The following PTPRD variants were observed in gnomAD, a reference collection of about 807,000 sequenced individuals.
The protein encoded by PTPRD is protein tyrosine phosphatase receptor type D.
PTPRD carries 34 observed loss-of-function variants against 214.5 expected under a neutral mutation model. That is an observed-to-expected ratio of 0.16 (90% confidence interval 0.12 to 0.21). PTPRD has a LOEUF of 0.21. Among genes scored for constraint, PTPRD ranks in the 10% least tolerant of loss-of-function variants. The pLI, the probability that PTPRD is intolerant of heterozygous loss-of-function variation, is 1.00. For missense variants in PTPRD, 2,545 were observed against 2,398.7 expected, an observed-to-expected ratio of 1.06 and a Z score of -1.27; for synonymous variants, 1,128 against 845.7, an observed-to-expected ratio of 1.33 and a Z score of -5.79.
intron 14 of PTPRD, among the ~76,000 whole-genome samples, chr9:8,582,811 G>A (rs770989940): frequency 6.6e-6 from 1 of 152,144 alleles, no homozygotes; most frequent in African/African-American, 2.4e-5. Flanking sequence ...AATCACTGGA[G>A]ACAAATGGTG....
chr9:9,580,556 T>C (rs1390717374), intron 7 of PTPRD, among the ~76,000 whole-genome samples: 3 of 146,196 alleles, frequency 2.1e-5, no homozygotes, highest in Non-Finnish European at 4.5e-5. Context: ...TCTTTTTTTT[T>C]TTTTTTTTTT....
At chr9:9,753,682 T>C (rs931821343) in intron 6 of PTPRD, among the ~76,000 whole-genome samples, 1 of 151,958 alleles carries the variant, frequency 6.6e-6, no homozygotes, top group Non-Finnish European at 1.5e-5. Context: ...CTGGAGGTTA[T>C]CAAAGCCTCA....
chr9:10,226,472 A>G (rs1187085715), intron 3 of PTPRD, among the ~76,000 whole-genome samples: 1 of 152,038 alleles, frequency 6.6e-6, no homozygotes, highest in Non-Finnish European at 1.5e-5. Context: ...ACTCTCCTAG[A>G]TCCAGAGACA....
Position 10,259,156 on chromosome 9 carries a change from G to A in PTPRD, c.-545+81807C>T, listed in dbSNP as rs570703555. Among the ~76,000 whole-genome samples, 343 of 152,092 alleles carry A rather than the reference G, an allele frequency of 2.3e-3. 2 individuals are homozygous for A. Among genetic ancestry groups the A allele is most frequent in the African/African-American group, 7.9e-3 (328 of 41,470 alleles). ...TTCTGCCTCAGCCTCCGGAGTAGCT[G>A]GGAATACAGGTGCCTGCCACCACGC... On this transcript the variant is annotated intron_variant, in intron 3 of 45. Coordinates refer to ENST00000381196, the MANE Select transcript of PTPRD (RefSeq NM_002839.4).
intron 7 of PTPRD, among the ~76,000 whole-genome samples, chr9:9,712,140 A>G (rs1407206626): frequency 1.3e-5 from 2 of 152,172 alleles, no homozygotes; most frequent in Admixed American, 6.5e-5. Flanking sequence ...CAAATATAAA[A>G]TTATAACAAT....
intron 43 of PTPRD, among the ~76,000 whole-genome samples, chr9:8,338,020 A>T (rs1848661053): frequency 6.6e-6 from 1 of 151,994 alleles, no homozygotes; most frequent in Non-Finnish European, 1.5e-5. Context: ...CTGCTAACCA[A>T]TTTCTCTTTC....
intron 35 of PTPRD, among the ~76,000 whole-genome samples, chr9:8,424,366 C>T (rs1325920719): frequency 2.0e-5 from 3 of 152,120 alleles, no homozygotes; most frequent in Non-Finnish European, 4.4e-5. Context: ...CTAGCTTTGC[C>T]ATTTACTAGC....
chr9:9,845,619 C>T (rs1184664364), intron 5 of PTPRD, among the ~76,000 whole-genome samples: 2 of 151,874 alleles, frequency 1.3e-5, no homozygotes. Flanking sequence ...AAAATCATGT[C>T]CTATTCTCTA....
chr9:9,968,757 C>G (rs749261356), intron 4 of PTPRD, among the ~76,000 whole-genome samples: 10 of 152,030 alleles, frequency 6.6e-5, no homozygotes, highest in Non-Finnish European at 1.5e-4. Flanking sequence ...ACCAAACAAA[C>G]AAAAAATTAG....
At chr9:10,394,777 G>A (rs140018578) in intron 2 of PTPRD, among the ~76,000 whole-genome samples, 3 of 53,438 alleles carry the variant, frequency 5.6e-5, no homozygotes, top group African/African-American at 2.8e-4. Flanking sequence ...TTTGATTTTT[G>A]TTAAATAGAA....
At chr9:8,331,895 G>C (rs981020849) in intron 43 of PTPRD, among the ~76,000 whole-genome samples, 159 bp from the exon 44 acceptor site, 2 of 150,792 alleles carry the variant, frequency 1.3e-5, no homozygotes, top group Non-Finnish European at 2.9e-5. Flanking sequence ...TGGTTTATCT[G>C]CTATAAATAT....
At chr9:9,138,847 T>G (rs4742564) in intron 10 of PTPRD, among the ~76,000 whole-genome samples, 95,968 of 151,866 alleles carry the variant, frequency 0.63, 30,300 homozygotes, top group Middle Eastern at 0.7. Context: ...CTTTTATGTT[T>G]AATATAATGC....
In PTPRD at chr9:8,336,483, T is replaced by TAAAAAAAAA. The variant is rs200451219; in HGVS notation, c.5379+2438_5379+2439insTTTTTTTTT. Among the ~76,000 whole-genome samples the TAAAAAAAAA allele has an allele frequency of 7.5e-3, 1,055 of 140,984 alleles. 7 individuals carry two copies. Among genetic ancestry groups the TAAAAAAAAA allele is most frequent in the Non-Finnish European group, 0.012 (749 of 64,684 alleles). The allele number at this position is 140,984 out of a possible 152,430, so 92.5% of individuals were successfully genotyped here. A position where few individuals can be genotyped will look rare whatever the true frequency, so the allele number is the denominator to read the frequency against. ...GACTTAAACCTAAGATGTAAAATGA[T>TAAAAAAAAA]GAAAACCCCTAGAAGAAAACCTAGG... On this transcript the variant is annotated intron_variant, in intron 43 of 45. Transcript: ENST00000381196.
chr9:8,724,671 T>C (rs1484465757), intron 12 of PTPRD, among the ~76,000 whole-genome samples: 2 of 152,150 alleles, frequency 1.3e-5, no homozygotes, highest in African/African-American at 4.8e-5. Context: ...ATTTTTATCA[T>C]GTCTGTAATC....
intron 14 of PTPRD, among the ~76,000 whole-genome samples, chr9:8,616,032 A>G (rs2095600521): frequency 6.6e-6 from 1 of 152,182 alleles, no homozygotes; most frequent in Non-Finnish European, 1.5e-5. Context: ...AAATTTAAAA[A>G]GAAATTTATG....
intron 7 of PTPRD, among the ~76,000 whole-genome samples, chr9:9,693,207 T>C (rs1412533606): frequency 6.6e-6 from 1 of 152,076 alleles, no homozygotes; most frequent in Non-Finnish European, 1.5e-5. Context: ...AGATCTGGTA[T>C]GGTTTAGCTT....
chr9:10,223,767 G>A (rs1358893803), intron 3 of PTPRD, among the ~76,000 whole-genome samples: 1 of 149,506 alleles, frequency 6.7e-6, no homozygotes, highest in Non-Finnish European at 1.5e-5. Context: ...AAAACCTCTG[G>A]GTAACAGAAG....
At chr9:8,730,157 G>A (rs766888255) in intron 12 of PTPRD, among the ~76,000 whole-genome samples, 6 of 152,172 alleles carry the variant, frequency 3.9e-5, no homozygotes, top group Non-Finnish European at 7.3e-5. Context: ...TCCGGAGGCT[G>A]AGACAGGAGA....
chr9:8,461,069 G>T (rs1196590022), intron 32 of PTPRD, among the ~76,000 whole-genome samples: 1 of 151,888 alleles, frequency 6.6e-6, no homozygotes, highest in Non-Finnish European at 1.5e-5. Flanking sequence ...TGTGAATATC[G>T]GTAGTCATTA....
Sources: gnomAD v4.1 joint callset for allele counts (sites outside exome capture counted in the v4.1 genomes callset) on GRCh38, gnomAD v4.1.1 for gene constraint, MANE v1.5 for transcripts, NCBI Gene and HGNC (gene_info 2026-07-23, HGNC 2026-07-21) for gene names.